LRCH1: variants seen among roughly 807,000 people sequenced by gnomAD.
LRCH1 encodes leucine-rich repeat and calponin homology domain-containing protein 1.
Under a neutral mutation model 94.9 loss-of-function variants are expected in LRCH1, and 23 were observed. The observed-to-expected ratio is 0.24, with a 90% CI of 0.17 to 0.34. LRCH1 has a LOEUF of 0.34. LRCH1 is among the 10% of genes least tolerant of loss of function. LRCH1 has a pLI of 1.00. For synonymous variants in LRCH1, 364 were observed against 354.9 expected (o/e 1.03, Z -0.29); for missense variants, 790 against 945.9 (o/e 0.84, Z 2.16).
At chr13:46,570,824 C>T (rs927018877) in intron 1 of LRCH1, among the ~76,000 whole-genome samples, 7 of 152,188 alleles carry the variant, frequency 4.6e-5, no homozygotes, top group Non-Finnish European at 7.4e-5. Flanking sequence ...GAGAGATTTA[C>T]TTGAGGGATT....
chr13:46,650,223 T>G lies in LRCH1; in HGVS notation c.330T>G (p.Val110=), dbSNP rs1594314784. The G allele has an allele frequency of 1.2e-6, 2 of 1,612,074 alleles. No homozygotes were observed. The highest frequency in any genetic ancestry group is 4.5e-5 in the East Asian group (2 of 44,780). ...TAGACTTATCTAAAAACAGACTGGT[T>G]GAAGTTCCAATGGAATTGTGCCATT... ...VQADLSKNRL[V]EVPMELCHFV... Residue 110 remains valine (V), a synonymous_variant, in exon 2 of 20, where the codon GTT becomes GTG. Transcript: ENST00000389797.
intron 2 of LRCH1, among the ~76,000 whole-genome samples, chr13:46,667,256 C>A (rs2138112973): frequency 6.6e-6 from 1 of 152,200 alleles, no homozygotes; most frequent in South Asian, 2.1e-4. Flanking sequence ...GTTGACAAGG[C>A]CGTGCCCAGA....
At chr13:46,622,113 C>G (rs1293455862) in intron 1 of LRCH1, among the ~76,000 whole-genome samples, 1 of 151,738 alleles carries the variant, frequency 6.6e-6, no homozygotes, top group Non-Finnish European at 1.5e-5. Flanking sequence ...ATAGGAGTTG[C>G]TATTTAGAGA....
chr13:46,596,518 T>A (rs747928901), intron 1 of LRCH1, among the ~76,000 whole-genome samples: 39 of 152,278 alleles, frequency 2.6e-4, no homozygotes, highest in Admixed American at 1.2e-3. Context: ...GGGCATTTTT[T>A]AAATTTTGAA....
intron 2 of LRCH1, among the ~76,000 whole-genome samples, chr13:46,666,489 ACT>A (rs1228315514): frequency 6.6e-6 from 1 of 152,186 alleles, no homozygotes; most frequent in Admixed American, 6.5e-5. Flanking sequence ...TTAGAGTGTA[ACT>A]CTGAGTTTCC....
intron 18 of LRCH1, 134 bp downstream of exon 18, chr13:46,729,118 C>A: frequency 1.3e-6 from 1 of 763,052 alleles, no homozygotes; most frequent in Non-Finnish European, 1.9e-6. Flanking sequence ...CATTATAAGG[C>A]AGAAAAGGAA....
At chr13:46,657,401 T>TTTA (rs201530694) in intron 2 of LRCH1, among the ~76,000 whole-genome samples, 5 of 148,688 alleles carry the variant, frequency 3.4e-5, no homozygotes, top group South Asian at 2.2e-4. Context: ...TTTTTTTTTT[T>TTTA]AAAACATACA....
intron 2 of LRCH1, among the ~76,000 whole-genome samples, chr13:46,651,547 C>A (rs2051298682): frequency 6.6e-6 from 1 of 151,754 alleles, no homozygotes; most frequent in Admixed American, 6.6e-5. Flanking sequence ...ATAATCCCAG[C>A]TACTCAACGA....
At chr13:46,699,263 G>A in intron 9 of LRCH1, 73 bp from the exon 10 acceptor site, 1 of 1,131,098 alleles carries the variant, frequency 8.8e-7, no homozygotes, top group Non-Finnish European at 1.3e-6. Context: ...TATAAACATG[G>A]GCTGGGCAGG....
At chr13:46,635,676 T>G (rs1207565489) in intron 1 of LRCH1, among the ~76,000 whole-genome samples, 1 of 151,866 alleles carries the variant, frequency 6.6e-6, no homozygotes, top group Non-Finnish European at 1.5e-5. Context: ...TTTCAGCATG[T>G]TAGCCAGGAT....
At chr13:46,666,588 C>G (rs2051519301) in intron 2 of LRCH1, among the ~76,000 whole-genome samples, 1 of 152,194 alleles carries the variant, frequency 6.6e-6, no homozygotes, top group Admixed American at 6.5e-5. Flanking sequence ...AAATACTAAT[C>G]TTTGTTCTCA....
At chr13:46,701,838 T>C (rs1871493060) in intron 11 of LRCH1, among the ~76,000 whole-genome samples, 1 of 152,220 alleles carries the variant, frequency 6.6e-6, no homozygotes. Context: ...AATAACTACA[T>C]GATCTCTAGA....
intron 3 of LRCH1, among the ~76,000 whole-genome samples, chr13:46,675,389 TG>T (rs1244933162): frequency 6.6e-6 from 1 of 152,138 alleles, no homozygotes; most frequent in African/African-American, 2.4e-5. Context: ...AGTCATGCAG[TG>T]TGTGAAAATC....
At chr13:46,708,097 GCATCAAAC>G (rs1244235559) in intron 13 of LRCH1, among the ~76,000 whole-genome samples, 1 of 152,150 alleles carries the variant, frequency 6.6e-6, no homozygotes, top group Non-Finnish European at 1.5e-5. Flanking sequence ...ATGCCTGATT[GCATCAAAC>G]CTTTTCTTCA....
intron 4 of LRCH1, among the ~76,000 whole-genome samples, chr13:46,682,986 C>CGGA: frequency 6.6e-6 from 1 of 152,314 alleles, no homozygotes; most frequent in South Asian, 2.1e-4. Flanking sequence ...TCCTGGAACC[C>CGGA]TGAATGCTTT....
intron 1 of LRCH1, among the ~76,000 whole-genome samples, chr13:46,555,117 G>A (rs1177813744): frequency 6.6e-6 from 1 of 152,164 alleles, no homozygotes; most frequent in Non-Finnish European, 1.5e-5. Context: ...GGATAGTCAG[G>A]AATCGGCAAA....
chr13:46,601,923 T>C (rs2050633164), intron 1 of LRCH1, among the ~76,000 whole-genome samples: 1 of 152,226 alleles, frequency 6.6e-6, no homozygotes, highest in Admixed American at 6.5e-5. Flanking sequence ...GAAAAGAGCT[T>C]GTTTAATAAA....
chr13:46,648,233 A>G (rs766780106), intron 1 of LRCH1, among the ~76,000 whole-genome samples: 22 of 152,164 alleles, frequency 1.4e-4, no homozygotes, highest in Admixed American at 7.2e-4. Context: ...TCATGCTCCT[A>G]TGAGAATTCA....
At chr13:46,646,995 C>T (rs2051228868) in intron 1 of LRCH1, among the ~76,000 whole-genome samples, 1 of 151,836 alleles carries the variant, frequency 6.6e-6, no homozygotes, top group South Asian at 2.1e-4. Flanking sequence ...TGCCTGTAGT[C>T]CCAGCTACTG....
Sources: gnomAD v4.1 joint callset for allele counts (sites outside exome capture counted in the v4.1 genomes callset) on GRCh38, gnomAD v4.1.1 for gene constraint, MANE v1.5 for transcripts, NCBI Gene and HGNC (gene_info 2026-07-23, HGNC 2026-07-21) for gene names.